Variants in INPP4B observed in about 807,000 individuals in gnomAD.
INPP4B encodes the protein inositol polyphosphate 4-phosphatase type II.
In INPP4B, 55 loss-of-function variants were observed where a neutral mutation model predicts 122.5. The ratio of observed to expected loss-of-function variants is 0.45; its 90% CI spans 0.36 to 0.56. The LOEUF (loss-of-function observed/expected upper bound fraction) is 0.56. Among genes scored for constraint, INPP4B ranks in the 20% least tolerant of loss-of-function variants. The pLI is 0.00. For synonymous variants in INPP4B, 403 were observed against 388.7 expected (o/e 1.04, Z -0.43); for missense variants, 1,000 against 1,097.7 (o/e 0.91, Z 1.26).
intron 2 of INPP4B, among the ~76,000 whole-genome samples, chr4:142,504,948 C>T (rs571479468): frequency 1.3e-5 from 2 of 151,810 alleles, no homozygotes; most frequent in Non-Finnish European, 2.9e-5. Context: ...AGATGGAGGA[C>T]AGGGAGAAAT....
At chr4:142,438,891 C>A (rs1811112031) in intron 3 of INPP4B, among the ~76,000 whole-genome samples, 1 of 152,066 alleles carries the variant, frequency 6.6e-6, no homozygotes, top group South Asian at 2.1e-4. Context: ...CATTAAATGC[C>A]TTCTACATGT....
chr4:142,766,040 TAG>T (rs1561044974), intron 1 of INPP4B: 1 of 152,144 alleles, frequency 6.6e-6, no homozygotes, highest in Non-Finnish European at 1.5e-5. Flanking sequence ...ATATAACTTA[TAG>T]AACAGTCCAG....
At chr4:142,465,698 C>T (rs1310777175) in intron 2 of INPP4B, among the ~76,000 whole-genome samples, 1 of 152,126 alleles carries the variant, frequency 6.6e-6, no homozygotes, top group African/African-American at 2.4e-5. Context: ...TGATTCCCAG[C>T]ATTGGAGATG....
chr4:142,787,132 C>T (rs1018958799), intron 1 of INPP4B, among the ~76,000 whole-genome samples: 1 of 152,016 alleles, frequency 6.6e-6, no homozygotes, highest in Non-Finnish European at 1.5e-5. Context: ...AAATCTGAAA[C>T]AGTTCTAAAA....
At chr4:142,573,316 C>T (rs926672070) in intron 2 of INPP4B, among the ~76,000 whole-genome samples, 6 of 152,098 alleles carry the variant, frequency 3.9e-5, no homozygotes, top group Non-Finnish European at 2.9e-5. Context: ...CACATCACAG[C>T]ACTTTGTGCT....
chr4:142,469,492 A>G (rs116377874), intron 2 of INPP4B, among the ~76,000 whole-genome samples: 5,701 of 152,182 alleles, frequency 0.037, 235 homozygotes, highest in African/African-American at 0.082. Flanking sequence ...TAATTTTAGA[A>G]GCTCTTAAAA....
intron 1 of INPP4B, among the ~76,000 whole-genome samples, chr4:142,750,851 T>TA (rs1769579045): frequency 6.6e-6 from 1 of 151,890 alleles, no homozygotes; most frequent in Non-Finnish European, 1.5e-5. Context: ...GAGGGGAGGG[T>TA]TATGACCAAT....
intron 3 of INPP4B, among the ~76,000 whole-genome samples, chr4:142,453,329 C>A (rs1195429473): frequency 6.6e-6 from 1 of 152,238 alleles, no homozygotes; most frequent in Non-Finnish European, 1.5e-5. Context: ...GAGGACATTT[C>A]TAATACAGAC....
intron 2 of INPP4B, among the ~76,000 whole-genome samples, chr4:142,719,570 C>T (rs1195000459): frequency 3.3e-5 from 5 of 152,046 alleles, no homozygotes; most frequent in South Asian, 2.1e-4. Context: ...GTGATCTGCA[C>T]GCCTCGGCCT....
intron 25 of INPP4B, among the ~76,000 whole-genome samples, chr4:142,050,608 G>T (rs1324198320): frequency 6.6e-6 from 1 of 151,852 alleles, no homozygotes. Context: ...GACAATCCTA[G>T]GTCTGAATCG....
chr4:142,641,513 T>C (rs867367483), intron 2 of INPP4B, among the ~76,000 whole-genome samples: 1 of 151,128 alleles, frequency 6.6e-6, no homozygotes, highest in South Asian at 2.1e-4. Context: ...AGTGAGAACA[T>C]GCGGTGTTTG....
intron 7 of INPP4B, among the ~76,000 whole-genome samples, chr4:142,324,946 A>G (rs1771767127): frequency 1.3e-5 from 2 of 152,092 alleles, no homozygotes; most frequent in Admixed American, 1.3e-4. Context: ...TCTTTCTCCA[A>G]GCAGCAGCTC....
intron 23 of INPP4B, among the ~76,000 whole-genome samples, chr4:142,105,944 A>G (rs1261214021): frequency 1.3e-5 from 2 of 152,174 alleles, no homozygotes. Flanking sequence ...TTTTCCTTAA[A>G]TAGAGCAGAA....
At chr4:142,561,656 T>G (rs944877374) in intron 2 of INPP4B, among the ~76,000 whole-genome samples, 12 of 152,064 alleles carry the variant, frequency 7.9e-5, no homozygotes, top group Non-Finnish European at 1.5e-5. Context: ...CCTGAACTCA[T>G]GATCCTCCCG....
chr4:142,835,969 C>G (rs1011372172), intron 1 of INPP4B, among the ~76,000 whole-genome samples: 3 of 151,874 alleles, frequency 2.0e-5, no homozygotes, highest in Admixed American at 1.3e-4. Context: ...GGGTATGGTG[C>G]GTAATTCTTT....
intron 23 of INPP4B, among the ~76,000 whole-genome samples, chr4:142,091,873 A>G (rs902142086): frequency 2.0e-5 from 3 of 152,196 alleles, no homozygotes; most frequent in Non-Finnish European, 2.9e-5. Flanking sequence ...CTGTGTGGCC[A>G]GAAACTGTTC....
At chr4:142,569,677 A>G (rs1732399838) in intron 2 of INPP4B, among the ~76,000 whole-genome samples, 1 of 152,130 alleles carries the variant, frequency 6.6e-6, no homozygotes, top group Admixed American at 6.6e-5. Flanking sequence ...ATTATATTCT[A>G]AGAAGATTCA....
At chr4:142,641,618 C>T (rs1279094775) in intron 2 of INPP4B, among the ~76,000 whole-genome samples, 1 of 152,128 alleles carries the variant, frequency 6.6e-6, no homozygotes, top group South Asian at 2.1e-4. Flanking sequence ...TTTATGGCTG[C>T]ATAGTATACC....
intron 25 of INPP4B, among the ~76,000 whole-genome samples, chr4:142,037,990 AAC>A (rs1457071710): frequency 1.3e-5 from 2 of 152,178 alleles, no homozygotes; most frequent in Non-Finnish European, 2.9e-5. Flanking sequence ...GAATCTTGAG[AAC>A]ACAGTTTCCC....
Sources: allele counts gnomAD v4.1 joint callset (sites outside exome capture counted in the v4.1 genomes callset), GRCh38; gene constraint gnomAD v4.1.1; transcripts MANE v1.5; gene names NCBI Gene and HGNC (gene_info 2026-07-23, HGNC 2026-07-21).